Variants in IL1RAPL2 observed in about 807,000 individuals in gnomAD.
The protein encoded by IL1RAPL2 is interleukin 1 receptor accessory protein like 2.
A neutral mutation model predicts 44.1 loss-of-function variants in IL1RAPL2; 3 were observed. The ratio of observed to expected loss-of-function variants is 0.07; its 90% CI spans 0.03 to 0.18. The LOEUF is 0.18. Among genes scored for constraint, IL1RAPL2 ranks in the 10% least tolerant of loss-of-function variants. The pLI, the probability that IL1RAPL2 is intolerant of heterozygous loss-of-function variation, is 1.00. For missense variants in IL1RAPL2, 391 were observed against 496.4 expected (o/e 0.79, Z 2.02); for synonymous variants, 181 against 178.8 (o/e 1.01, Z -0.10).
At chrX:105,082,432 C>T (rs1013799987) in intron 2 of IL1RAPL2, among the ~76,000 whole-genome samples, 6 of 111,241 alleles carry the variant, frequency 5.4e-5, no homozygotes, top group Non-Finnish European at 1.1e-4. Flanking sequence ...GTCCTGGGTT[C>T]ACAGCGTTCA....
rs139177233 is a variant in IL1RAPL2, at chrX:104,846,641, G to C, written c.82+187646G>C. On this transcript the variant is annotated intron_variant, in intron 2 of 10. Transcript: ENST00000372582. ...TTCCAAGTCTTTGCTATTGTGAATG[G>C]TGCCTCAGTAAACATACGTGTGCAT... Among the ~76,000 whole-genome samples, 717 of 111,796 alleles carry C rather than the reference G, an allele frequency of 6.4e-3. 3 individuals are homozygous for C. The highest frequency in any genetic ancestry group is 0.022 in the African/African-American group (684 of 30,736).
intron 2 of IL1RAPL2, among the ~76,000 whole-genome samples, chrX:105,171,989 C>G (rs894971449): frequency 2.2e-4 from 25 of 112,348 alleles, no homozygotes; most frequent in African/African-American, 6.8e-4. Context: ...TTCTCTGGCT[C>G]TAGATGGAGT....
chrX:105,340,885 A>G (rs1035324913), intron 5 of IL1RAPL2, among the ~76,000 whole-genome samples: 1 of 112,218 alleles, frequency 8.9e-6, no homozygotes, highest in Admixed American at 9.5e-5. Context: ...GTCTTCCCTC[A>G]CTGGAATGTA....
At chrX:104,989,245 C>T (rs960709780) in intron 2 of IL1RAPL2, among the ~76,000 whole-genome samples, 4 of 111,336 alleles carry the variant, frequency 3.6e-5, no homozygotes, top group African/African-American at 9.8e-5. Flanking sequence ...GCACTGAATA[C>T]TCTAATATCA....
chrX:105,072,686 A>G (rs966691102), intron 2 of IL1RAPL2, among the ~76,000 whole-genome samples: 3 of 110,109 alleles, frequency 2.7e-5, no homozygotes, highest in African/African-American at 9.9e-5. Context: ...TATGTAGAGG[A>G]CGTGCAGTAT....
At chrX:104,788,473 G>A (rs1932809716) in intron 2 of IL1RAPL2, among the ~76,000 whole-genome samples, 1 of 112,096 alleles carries the variant, frequency 8.9e-6, no homozygotes, top group African/African-American at 3.2e-5. Context: ...TTGGTTCAGC[G>A]TCAATTATAT....
intron 2 of IL1RAPL2, among the ~76,000 whole-genome samples, chrX:105,165,869 C>A (rs2033367490): frequency 9.0e-6 from 1 of 111,597 alleles, no homozygotes; most frequent in Non-Finnish European, 1.9e-5. Flanking sequence ...CTCTGCAGAT[C>A]CCTCTTTGAT....
At chrX:104,740,982 A>G (rs1932092782) in intron 2 of IL1RAPL2, among the ~76,000 whole-genome samples, 1 of 111,264 alleles carries the variant, frequency 9.0e-6, no homozygotes, top group African/African-American at 3.3e-5. Flanking sequence ...AATCACTTCT[A>G]TTGTTTTGAT....
chrX:105,668,072 A>C (rs1296036373), intron 6 of IL1RAPL2, among the ~76,000 whole-genome samples: 1 of 95,165 alleles, frequency 1.1e-5, no homozygotes, highest in Non-Finnish European at 2.1e-5. Context: ...AATGGGTTGT[A>C]TGAGAGGTGG....
intron 2 of IL1RAPL2, among the ~76,000 whole-genome samples, chrX:104,774,383 A>G (rs892917053): frequency 8.9e-6 from 1 of 111,824 alleles, no homozygotes; most frequent in Non-Finnish European, 1.9e-5. Flanking sequence ...TGCCTTATGT[A>G]GCTACTGGCA....
intron 2 of IL1RAPL2, among the ~76,000 whole-genome samples, chrX:104,892,560 T>C (rs755060329): frequency 8.9e-6 from 1 of 112,199 alleles, no homozygotes; most frequent in Non-Finnish European, 1.9e-5. Context: ...TTCTTCTAGA[T>C]TTTCTAGTTT....
chrX:104,761,875 C>T (rs867220834), intron 2 of IL1RAPL2, among the ~76,000 whole-genome samples: 1 of 49,364 alleles, frequency 2.0e-5, no homozygotes, highest in African/African-American at 1.4e-4. Context: ...TTCTCCTTCT[C>T]CTTCTCCTTC....
At chrX:105,122,306 T>C (rs1391171992) in intron 2 of IL1RAPL2, among the ~76,000 whole-genome samples, 1 of 111,661 alleles carries the variant, frequency 9.0e-6, no homozygotes, top group Non-Finnish European at 1.9e-5. Context: ...ACTCAACTTC[T>C]TAGAGGGAAT....
At chrX:105,011,071 C>G (rs2031039845) in intron 2 of IL1RAPL2, among the ~76,000 whole-genome samples, 1 of 110,610 alleles carries the variant, frequency 9.0e-6, no homozygotes, top group African/African-American at 3.3e-5. Flanking sequence ...AGAGAGTGGA[C>G]TTGACTCCAA....
chrX:105,091,103 C>G (rs2032538743), intron 2 of IL1RAPL2, among the ~76,000 whole-genome samples: 2 of 111,861 alleles, frequency 1.8e-5, no homozygotes, highest in African/African-American at 6.5e-5. Flanking sequence ...AAAACAAAAA[C>G]TCGTATTCTA....
intron 2 of IL1RAPL2, among the ~76,000 whole-genome samples, chrX:104,990,933 C>A (rs1402475107): frequency 9.0e-6 from 1 of 111,099 alleles, no homozygotes; most frequent in East Asian, 2.8e-4. Flanking sequence ...AGAAGAAATA[C>A]TTTAGTAAGG....
chrX:105,618,095 G>A (rs1347317588), intron 6 of IL1RAPL2, among the ~76,000 whole-genome samples: 19 of 106,928 alleles, frequency 1.8e-4, no homozygotes, highest in African/African-American at 6.3e-4. Context: ...AAAGATACTC[G>A]CTCTCTGTAT....
intron 6 of IL1RAPL2, among the ~76,000 whole-genome samples, chrX:105,667,009 C>CT (rs2037776689): frequency 8.9e-6 from 1 of 112,156 alleles, no homozygotes; most frequent in Non-Finnish European, 1.9e-5. Context: ...TTACAATAAT[C>CT]AGGAGCATTT....
intron 2 of IL1RAPL2, among the ~76,000 whole-genome samples, chrX:104,951,882 G>A (rs1925595107): frequency 8.9e-6 from 1 of 112,030 alleles, no homozygotes; most frequent in Admixed American, 9.5e-5. Flanking sequence ...GACTCTATAT[G>A]CTGGTTATAC....
Sources: gnomAD v4.1 joint callset for allele counts (sites outside exome capture counted in the v4.1 genomes callset) on GRCh38, gnomAD v4.1.1 for gene constraint, MANE v1.5 for transcripts, NCBI Gene and HGNC (gene_info 2026-07-23, HGNC 2026-07-21) for gene names.